The following CNTN6 variants were observed in gnomAD, a reference collection of about 807,000 sequenced individuals.
CNTN6 encodes the protein contactin 6, also known as contactin-6.
A neutral mutation model predicts 122.8 loss-of-function variants in CNTN6; 137 were observed. That is an observed-to-expected ratio of 1.12 (90% CI 0.97 to 1.29). The LOEUF is 1.29. CNTN6 is among the 50% of genes most tolerant of loss of function. CNTN6 has a pLI of 0.00. For missense variants in CNTN6, 1,634 were observed against 1,223.4 expected, an observed-to-expected ratio of 1.34 and a Z score of -5.01; for synonymous variants, 570 against 426.0, an observed-to-expected ratio of 1.34 and a Z score of -4.16.
At chr3:1,154,775 A>G (rs2092926590) in intron 2 of CNTN6, among the ~76,000 whole-genome samples, 2 of 152,108 alleles carry the variant, frequency 1.3e-5, no homozygotes, top group Admixed American at 1.3e-4. Context: ...CCCCCGATTT[A>G]AACAACTCCA....
At chr3:1,362,315 C>T (rs1707582595) in intron 12 of CNTN6, among the ~76,000 whole-genome samples, 1 of 151,788 alleles carries the variant, frequency 6.6e-6, no homozygotes, top group Non-Finnish European at 1.5e-5. Flanking sequence ...ACCAAATGAC[C>T]AAAACTCAGA....
chr3:1,144,006 A>C (rs555290660), intron 1 of CNTN6, among the ~76,000 whole-genome samples: 3 of 152,316 alleles, frequency 2.0e-5, no homozygotes, highest in African/African-American at 7.2e-5. Flanking sequence ...AGTAGAAGCA[A>C]AATCTCTAGA....
At chr3:1,218,317 G>A (rs567655032) in intron 2 of CNTN6, among the ~76,000 whole-genome samples, 91 of 152,216 alleles carry the variant, frequency 6.0e-4, no homozygotes, top group African/African-American at 2.1e-3. Context: ...GTTTCTGGGG[G>A]AAAGAGAGCT....
chr3:1,390,603 A>AAATT (rs1693977665), intron 20 of CNTN6, among the ~76,000 whole-genome samples: 2 of 152,338 alleles, frequency 1.3e-5, no homozygotes, highest in East Asian at 3.9e-4. Context: ...AACCCTTAAA[A>AAATT]AATTAATGAA....
intron 11 of CNTN6, among the ~76,000 whole-genome samples, chr3:1,340,950 T>A (rs1703796950): frequency 6.6e-6 from 1 of 152,162 alleles, no homozygotes; most frequent in African/African-American, 2.4e-5. Context: ...TTTAAGGTCA[T>A]CTGACTTGAA....
chr3:1,191,115 C>T (rs2125385391), intron 2 of CNTN6, among the ~76,000 whole-genome samples: 1 of 152,216 alleles, frequency 6.6e-6, no homozygotes, highest in South Asian at 2.1e-4. Context: ...CTTACAATTT[C>T]CTTAGTGATG....
chr3:1,262,836 A>G (rs1050411384), intron 4 of CNTN6, among the ~76,000 whole-genome samples: 1 of 152,076 alleles, frequency 6.6e-6, no homozygotes, highest in Non-Finnish European at 1.5e-5. Flanking sequence ...ATATGCTTGT[A>G]TAGTACCCAC....
intron 1 of CNTN6, among the ~76,000 whole-genome samples, chr3:1,123,830 A>T (rs1350386110): frequency 1.3e-5 from 2 of 151,884 alleles, no homozygotes; most frequent in South Asian, 2.1e-4. Context: ...TTTCCCTCCA[A>T]TGTCCTTTAT....
chr3:1,334,469 C>A (rs934144186), intron 11 of CNTN6, among the ~76,000 whole-genome samples: 2 of 151,364 alleles, frequency 1.3e-5, no homozygotes, highest in Non-Finnish European at 2.9e-5. Flanking sequence ...ACACTATATT[C>A]ATGCAGTGTC....
At chr3:1,115,752 A>C (rs1287641798) in intron 1 of CNTN6, among the ~76,000 whole-genome samples, 1 of 151,786 alleles carries the variant, frequency 6.6e-6, no homozygotes, top group Non-Finnish European at 1.5e-5. Context: ...ACTCTGTCTC[A>C]AAATAAATAA....
intron 2 of CNTN6, among the ~76,000 whole-genome samples, chr3:1,168,128 G>C (rs188257607): frequency 6.6e-6 from 1 of 151,906 alleles, no homozygotes; most frequent in South Asian, 2.1e-4. Flanking sequence ...GGTTGGTCTC[G>C]ATCTCCTGAC....
chr3:1,136,487 T>G (rs1482492573), intron 1 of CNTN6, among the ~76,000 whole-genome samples: 2 of 152,166 alleles, frequency 1.3e-5, no homozygotes, highest in Non-Finnish European at 2.9e-5. Context: ...ACACTGGCCC[T>G]GGAGAGATAC....
intron 17 of CNTN6, among the ~76,000 whole-genome samples, chr3:1,379,802 A>G (rs1710395635): frequency 6.6e-6 from 1 of 152,150 alleles, no homozygotes; most frequent in Non-Finnish European, 1.5e-5. Context: ...ACAAGCAGAT[A>G]CTGAGCCAAC....
At chr3:1,297,763 C>G in intron 6 of CNTN6, 126 bp from the exon 7 acceptor site, 1 of 730,336 alleles carries the variant, frequency 1.4e-6, no homozygotes, top group Non-Finnish European at 2.3e-6. Flanking sequence ...TATATGTATC[C>G]AATTCTTAAC....
Position 1,325,857 on chromosome 3 carries a change from C to G in CNTN6, c.989C>G (p.Ser330Cys), listed in dbSNP as rs150393896. 15 of 1,611,924 alleles carry G rather than the reference C, an allele frequency of 9.3e-6. No homozygotes were observed. The highest frequency in any genetic ancestry group is 6.7e-5 in the African/African-American group (5 of 74,836). Reference protein sequence around the residue: ...WEQKIQNTHLSIYDNLLWECK... With the variant: ...WEQKIQNTHLCIYDNLLWECK... ...CAGAAAATCCAAAATACACACCTCT[C>G]TATCTATGACAACTTGCTCTGGGAA... Residue 330 changes from serine (S) to cysteine (C), a missense_variant, in exon 9 of 23, where the codon TCT becomes TGT. Ser to Cys is a moderately radical substitution (Grantham distance 112, BLOSUM62 -1). Transcript: ENST00000446702.
intron 1 of CNTN6, among the ~76,000 whole-genome samples, chr3:1,095,813 T>A (rs1272200474): frequency 6.6e-6 from 1 of 152,208 alleles, no homozygotes; most frequent in Non-Finnish European, 1.5e-5. Context: ...TACATCAGTT[T>A]TACATTACTG....
chr3:1,357,856 A>T (rs376362245), intron 12 of CNTN6, among the ~76,000 whole-genome samples: 1 of 141,334 alleles, frequency 7.1e-6, no homozygotes, highest in Non-Finnish European at 1.5e-5. Context: ...ACATAAATGC[A>T]CATTTATGTA....
intron 4 of CNTN6, among the ~76,000 whole-genome samples, chr3:1,268,989 T>A (rs1339551490): frequency 1.3e-5 from 2 of 151,944 alleles, no homozygotes; most frequent in African/African-American, 4.8e-5. Flanking sequence ...TCAAAAGTTA[T>A]AAAATAAATA....
At chr3:1,105,737 T>C (rs567674467) in intron 1 of CNTN6, among the ~76,000 whole-genome samples, 30 of 152,192 alleles carry the variant, frequency 2.0e-4, no homozygotes, top group Non-Finnish European at 3.7e-4. Flanking sequence ...TTCCTAAATA[T>C]AGGTCCAGTG....
Sources: gnomAD v4.1 joint callset for allele counts (sites outside exome capture counted in the v4.1 genomes callset) on GRCh38, gnomAD v4.1.1 for gene constraint, MANE v1.5 for transcripts, NCBI Gene and HGNC (gene_info 2026-07-23, HGNC 2026-07-21) for gene names.